MACROD2: variants seen among roughly 807,000 people sequenced by gnomAD.
MACROD2 encodes the protein mono-ADP ribosylhydrolase 2, also known as ADP-ribose glycohydrolase MACROD2.
Under a neutral mutation model 70.4 loss-of-function variants are expected in MACROD2, and 36 were observed. The ratio of observed to expected loss-of-function variants is 0.51; its 90% CI spans 0.39 to 0.68. MACROD2 has a LOEUF of 0.68. Among genes scored for constraint, MACROD2 ranks in the 30% least tolerant of loss-of-function variants. MACROD2 has a pLI of 0.00. For synonymous variants in MACROD2, 172 were observed against 178.8 expected (o/e 0.96, Z 0.30); for missense variants, 496 against 538.4 (o/e 0.92, Z 0.78).
intron 6 of MACROD2, among the ~76,000 whole-genome samples, chr20:15,416,467 A>G (rs989362220): frequency 6.6e-6 from 1 of 152,212 alleles, no homozygotes. Context: ...ATCAAGCTGC[A>G]TAATCACAAT....
chr20:15,480,180 G>A (rs2047077719), intron 7 of MACROD2, among the ~76,000 whole-genome samples: 1 of 152,180 alleles, frequency 6.6e-6, no homozygotes, highest in South Asian at 2.1e-4. Flanking sequence ...TGAAACATGT[G>A]AGATGCAAGT....
Position 14,338,675 on chromosome 20 carries a change from A to T in MACROD2, c.272-154804A>T, listed in dbSNP as rs190396884. Among the ~76,000 whole-genome samples the T allele has an allele frequency of 6.8e-3, 1,032 of 152,306 alleles. 32 individuals carry two copies. Among genetic ancestry groups the T allele is most frequent in the Admixed American group, 0.057 (865 of 15,296 alleles). Reference sequence around the variant, plus strand: ...GCATGGGTTTAGATATAAACATCTTAAGAAAAAAATCTTTCAGGGTGGTTT... The same window carrying T: ...GCATGGGTTTAGATATAAACATCTTTAGAAAAAAATCTTTCAGGGTGGTTT... On this transcript the variant is annotated intron_variant, in intron 3 of 17. Coordinates refer to ENST00000684519, the MANE Select transcript of MACROD2 (RefSeq NM_001351661.2).
chr20:15,137,675 T>A (rs4814339), intron 5 of MACROD2, among the ~76,000 whole-genome samples: 134,040 of 151,516 alleles, frequency 0.88, 59,457 homozygotes, highest in East Asian at 1. Flanking sequence ...TAACCTGCAC[T>A]TTGTGCACAT....
chr20:14,059,862 G>A (rs1268264146), intron 2 of MACROD2, among the ~76,000 whole-genome samples: 2 of 152,162 alleles, frequency 1.3e-5, no homozygotes, highest in Non-Finnish European at 2.9e-5. Flanking sequence ...ACCACTTTAG[G>A]TAGGATAATG....
intron 7 of MACROD2, among the ~76,000 whole-genome samples, chr20:15,454,444 C>T (rs1464055978): frequency 1.7e-5 from 2 of 117,676 alleles, no homozygotes; most frequent in Non-Finnish European, 4.0e-5. Context: ...CACACACACA[C>T]ACACACACAC....
intron 6 of MACROD2, among the ~76,000 whole-genome samples, chr20:15,234,012 C>CTTTT (rs1177498607): frequency 3.4e-5 from 1 of 29,192 alleles, no homozygotes; most frequent in Non-Finnish European, 5.8e-5. Flanking sequence ...TATATATATT[C>CTTTT]TTTTTTTTTT....
intron 8 of MACROD2, among the ~76,000 whole-genome samples, chr20:15,795,826 C>T (rs2063667992): frequency 6.6e-6 from 1 of 152,198 alleles, no homozygotes; most frequent in Admixed American, 6.5e-5. Context: ...CCGTTGGTGG[C>T]ATTCGTTCTA....
At chr20:15,284,474 T>C (rs141202654) in intron 6 of MACROD2, among the ~76,000 whole-genome samples, 92 of 152,310 alleles carry the variant, frequency 6.0e-4, no homozygotes, top group African/African-American at 2.2e-3. Context: ...GTGGGGAGTT[T>C]GTTTCCATAG....
chr20:15,610,916 G>A (rs2048957919), intron 8 of MACROD2, among the ~76,000 whole-genome samples: 1 of 150,848 alleles, frequency 6.6e-6, no homozygotes, highest in African/African-American at 2.4e-5. Flanking sequence ...CTCATTTCAG[G>A]CTATTCAGAT....
chr20:14,682,229 C>A (rs1404075979), intron 4 of MACROD2, among the ~76,000 whole-genome samples: 2 of 152,044 alleles, frequency 1.3e-5, no homozygotes. Context: ...TTGAAAGCAA[C>A]TAATTACCTC....
At chr20:14,663,517 TATACAC>T (rs921443610) in intron 4 of MACROD2, among the ~76,000 whole-genome samples, 9 of 114,014 alleles carry the variant, frequency 7.9e-5, no homozygotes, top group African/African-American at 4.0e-4. Context: ...AACAGGGATG[TATACAC>T]ACACACACAC....
chr20:16,025,482 A>T (rs2067065178), intron 15 of MACROD2, among the ~76,000 whole-genome samples: 2 of 152,250 alleles, frequency 1.3e-5, no homozygotes. Flanking sequence ...GGCAGAAGTC[A>T]ATCAAGCTTG....
At chr20:15,614,227 A>T (rs1325753817) in intron 8 of MACROD2, among the ~76,000 whole-genome samples, 1 of 152,170 alleles carries the variant, frequency 6.6e-6, no homozygotes, top group South Asian at 2.1e-4. Context: ...CACTCAACAA[A>T]TGGTAGATTT....
rs898665195 is a variant in MACROD2, at chr20:14,805,119, C to T, written c.418+120160C>T. 2.6e-5 allele frequency among the ~76,000 whole-genome samples: 4 copies of T among 151,924 alleles called. 1 individual carries two copies. Among genetic ancestry groups the T allele is most frequent in the Non-Finnish European group, 5.9e-5 (4 of 67,972 alleles). On this transcript the variant is annotated intron_variant, in intron 5 of 17. Coordinates refer to ENST00000684519, the MANE Select transcript of MACROD2 (RefSeq NM_001351661.2). The stretch of plus-strand genomic sequence containing the variant: ...TAGGGGAGAGAGTTCATTGCTTCTA[C>T]CAGATTCTCAAAGGGAAATATGAAA...
At chr20:15,331,396 G>C (rs1345464334) in intron 6 of MACROD2, among the ~76,000 whole-genome samples, 13 of 151,522 alleles carry the variant, frequency 8.6e-5, no homozygotes. Context: ...AAGTTGATGT[G>C]ATTCTTTCAT....
intron 8 of MACROD2, among the ~76,000 whole-genome samples, chr20:15,574,734 G>A (rs1329105052): frequency 6.6e-6 from 1 of 152,130 alleles, no homozygotes; most frequent in African/African-American, 2.4e-5. Flanking sequence ...TGTGGCTTCA[G>A]CCTTCAAGGG....
chr20:14,172,078 C>A (rs909922006), intron 3 of MACROD2, among the ~76,000 whole-genome samples: 3 of 152,074 alleles, frequency 2.0e-5, no homozygotes. Flanking sequence ...GTTCTTTTAT[C>A]ATTATATAAT....
chr20:16,034,551 C>T (rs2067197786), intron 15 of MACROD2, among the ~76,000 whole-genome samples: 1 of 152,014 alleles, frequency 6.6e-6, no homozygotes, highest in Non-Finnish European at 1.5e-5. Context: ...TGCAGATGCC[C>T]TAAACTCCAA....
At chr20:15,257,386 G>T (rs1178044999) in intron 6 of MACROD2, among the ~76,000 whole-genome samples, 1 of 152,028 alleles carries the variant, frequency 6.6e-6, no homozygotes, top group African/African-American at 2.4e-5. Context: ...ACCTACAAAT[G>T]ACACTTATTG....
Sources: allele counts gnomAD v4.1 joint callset (sites outside exome capture counted in the v4.1 genomes callset), GRCh38; gene constraint gnomAD v4.1.1; transcripts MANE v1.5; gene names NCBI Gene and HGNC (gene_info 2026-07-23, HGNC 2026-07-21).